Variants in COL4A1 observed in about 807,000 individuals in gnomAD.
COL4A1 encodes collagen type IV alpha 1 chain.
In COL4A1, 40 loss-of-function variants were observed where a neutral mutation model predicts 216.6. That is an observed-to-expected ratio of 0.18 (90% CI 0.14 to 0.24). The LOEUF (loss-of-function observed/expected upper bound fraction) is 0.24. Among genes scored for constraint, COL4A1 ranks in the 10% least tolerant of loss-of-function variants. COL4A1 has a pLI of 1.00. For synonymous variants in COL4A1, 839 were observed against 810.7 expected (o/e 1.03, Z -0.59); for missense variants, 1,628 against 2,196.8 (o/e 0.74, Z 5.18).
chr13:110,228,368 C>T (rs1035862247), intron 2 of COL4A1, among the ~76,000 whole-genome samples: 4 of 152,136 alleles, frequency 2.6e-5, no homozygotes, highest in African/African-American at 7.2e-5. Flanking sequence ...GAGTAGCTTC[C>T]GTGCAAGGCA....
intron 29 of COL4A1, among the ~76,000 whole-genome samples, chr13:110,181,046 A>C (rs948722590): frequency 6.6e-6 from 1 of 152,248 alleles, no homozygotes; most frequent in Non-Finnish European, 1.5e-5. Flanking sequence ...ACAGGCAAGA[A>C]AATGTCTGTC....
chr13:110,166,224 T>G lies in COL4A1; in HGVS notation c.4021+8A>C. The G allele has an allele frequency of 6.4e-7, 1 of 1,568,016 alleles. No individual in the cohort carries two copies. Among genetic ancestry groups the G allele is most frequent in the Non-Finnish European group, 8.8e-7 (1 of 1,137,906 alleles). On this transcript the variant is annotated splice_region_variant and intron_variant, in intron 45 of 51. Transcript: ENST00000375820. ...GTAAGGTGTCCACAGATCAACAAACTCTCCTACCTTTAGCTCCCGGGACGC... is the reference window on the plus strand; with the variant it reads ...GTAAGGTGTCCACAGATCAACAAACGCTCCTACCTTTAGCTCCCGGGACGC...
chr13:110,296,143 G>T (rs1042538009), intron 1 of COL4A1, among the ~76,000 whole-genome samples: 4 of 152,242 alleles, frequency 2.6e-5, no homozygotes, highest in African/African-American at 9.6e-5. Context: ...TCTCTGAGTG[G>T]CTATGATGGA....
intron 1 of COL4A1, among the ~76,000 whole-genome samples, chr13:110,292,510 G>C (rs1202580114): frequency 6.6e-6 from 1 of 152,072 alleles, no homozygotes; most frequent in East Asian, 1.9e-4. Context: ...CTTGAGACTG[G>C]GTAATTTATA....
At chr13:110,272,543 T>G (rs1173798384) in intron 1 of COL4A1, among the ~76,000 whole-genome samples, 1 of 151,920 alleles carries the variant, frequency 6.6e-6, no homozygotes, top group Non-Finnish European at 1.5e-5. Context: ...AATTCTCATT[T>G]CTTCCATCCT....
chr13:110,181,162 A>G (rs1048614022), intron 29 of COL4A1, 130 bp downstream of exon 29: 1 of 772,566 alleles, frequency 1.3e-6, no homozygotes, highest in Non-Finnish European at 2.3e-6. Context: ...TTTCTATTCT[A>G]TGTTATTTCA....
intron 5 of COL4A1, 23 bp downstream of exon 5, chr13:110,212,551 T>C (rs1879860401): frequency 1.2e-6 from 2 of 1,614,016 alleles, no homozygotes; most frequent in Non-Finnish European, 8.5e-7. Context: ...ATAAAAGAAG[T>C]AGAGCACGTT....
rs548737035 is a variant in COL4A1, at chr13:110,242,652, T to C, written c.144+23A>G. 8.7e-6 allele frequency: 14 copies of C among 1,613,796 alleles called. No homozygotes were observed. In the South Asian group the frequency reaches 1.5e-4, roughly 18 times the overall value. On this transcript the variant is annotated intron_variant, in intron 2 of 51. Coordinates refer to ENST00000375820, the MANE Select transcript of COL4A1 (RefSeq NM_001845.6). ...CTGTCCAATTCACAAAGAAATGTTG[T>C]GATTTAAATTTCGGCAACTCACCTT...
At chr13:110,288,277 T>TAA (rs1566446072) in intron 1 of COL4A1, among the ~76,000 whole-genome samples, 23 of 135,020 alleles carry the variant, frequency 1.7e-4, no homozygotes, top group African/African-American at 5.5e-4. Flanking sequence ...AAAAAAAAAA[T>TAA]AATAATAATA....
At position 110,251,315 on chromosome 13, in the gene COL4A1, G is replaced by A. The variant is rs140541325; in HGVS notation, c.85-8581C>T. Among the ~76,000 whole-genome samples, 621 of 152,352 alleles carry A rather than the reference G, an allele frequency of 4.1e-3. 6 individuals are homozygous for A. Among genetic ancestry groups the A allele is most frequent in the African/African-American group, 0.014 (576 of 41,580 alleles). ...CATCTGACTCCCAAGCCCAGCCCAC[G>A]CAAGACAGCCCCAAGGCCCCATGCC... On this transcript the variant is annotated intron_variant, in intron 1 of 51. Transcript: ENST00000375820.
At chr13:110,214,694 G>A (rs1034107495) in intron 2 of COL4A1, among the ~76,000 whole-genome samples, 21 of 152,194 alleles carry the variant, frequency 1.4e-4, no homozygotes, top group African/African-American at 5.1e-4. Context: ...TCAGGGACTT[G>A]TACCACTAGC....
intron 2 of COL4A1, among the ~76,000 whole-genome samples, chr13:110,222,965 T>A (rs1880575484): frequency 6.6e-6 from 1 of 151,988 alleles, no homozygotes; most frequent in Non-Finnish European, 1.5e-5. Context: ...CAAAATTTAA[T>A]TAAAATTAAA....
chr13:110,281,395 GTAAT>G (rs1469874222), intron 1 of COL4A1, among the ~76,000 whole-genome samples: 4 of 152,186 alleles, frequency 2.6e-5, no homozygotes, highest in African/African-American at 9.7e-5. Flanking sequence ...TTTATGAACA[GTAAT>G]TAATTCTTGA....
chr13:110,176,614 T>G lies in COL4A1; in HGVS notation c.2968+12A>C, dbSNP rs752476229. The G allele has an allele frequency of 2.5e-6, 4 of 1,612,762 alleles. No individual in the cohort carries two copies. Among genetic ancestry groups the G allele is most frequent in the Non-Finnish European group, 3.4e-6 (4 of 1,178,762 alleles). On this transcript the variant is annotated intron_variant, in intron 35 of 51. Coordinates refer to ENST00000375820, the MANE Select transcript of COL4A1 (RefSeq NM_001845.6). ...CCCTTGCCACACTGGGGACCGGAGC[T>G]CCACACTGTACCTGGCTGCCCAGGC...
At chr13:110,174,578 G>A (rs1252253110) in intron 38 of COL4A1, 45 bp downstream of exon 38, 1 of 1,614,102 alleles carries the variant, frequency 6.2e-7, no homozygotes, top group South Asian at 1.1e-5. Flanking sequence ...GCTTTTCTTT[G>A]ATTTCTTAGA....
At chr13:110,280,599 G>A (rs930682521) in intron 1 of COL4A1, among the ~76,000 whole-genome samples, 2 of 152,212 alleles carry the variant, frequency 1.3e-5, no homozygotes, top group South Asian at 2.1e-4. Flanking sequence ...TGGGCTTTAC[G>A]TATTACACCT....
intron 1 of COL4A1, among the ~76,000 whole-genome samples, chr13:110,290,879 C>T (rs573162345): frequency 6.6e-6 from 1 of 152,336 alleles, no homozygotes; most frequent in South Asian, 2.1e-4. Context: ...GCTGGGCACT[C>T]TGCTACTCTC....
chr13:110,219,365 T>C (rs534904910), intron 2 of COL4A1, among the ~76,000 whole-genome samples: 1 of 152,330 alleles, frequency 6.6e-6, no homozygotes, highest in African/African-American at 2.4e-5. Flanking sequence ...AGCAGCTACA[T>C]TTATCATTAC....
chr13:110,306,543 A>G (rs12429386), intron 1 of COL4A1, among the ~76,000 whole-genome samples: 26,551 of 152,064 alleles, frequency 0.17, 2,487 homozygotes, highest in Middle Eastern at 0.34. Context: ...GTCTCTGAGC[A>G]GCGCGGGGTG....
Sources: gnomAD v4.1 joint callset for allele counts (sites outside exome capture counted in the v4.1 genomes callset) on GRCh38, gnomAD v4.1.1 for gene constraint, MANE v1.5 for transcripts, NCBI Gene and HGNC (gene_info 2026-07-23, HGNC 2026-07-21) for gene names.